The following PPP3R1 variants were observed in gnomAD, a reference collection of about 807,000 sequenced individuals.
The protein encoded by PPP3R1 is calcineurin subunit B type 1.
A neutral mutation model predicts 22.6 loss-of-function variants in PPP3R1; 5 were observed. The ratio of observed to expected loss-of-function variants is 0.22; its 90% CI spans 0.12 to 0.46. PPP3R1 has a LOEUF of 0.46. Ranked by LOEUF, PPP3R1 falls within the 20% of genes least tolerant of loss-of-function variation. PPP3R1 has a pLI of 0.99. For missense variants in PPP3R1, 61 were observed against 203.2 expected, an observed-to-expected ratio of 0.30 and a Z score of 4.25; for synonymous variants, 56 against 65.2, an observed-to-expected ratio of 0.86 and a Z score of 0.68.
chr2:68,226,202 G>A (rs1402694231), intron 1 of PPP3R1, among the ~76,000 whole-genome samples: 1 of 152,128 alleles, frequency 6.6e-6, no homozygotes, highest in Non-Finnish European at 1.5e-5. Flanking sequence ...AAGGGTACCA[G>A]GTAACATTTC....
intron 1 of PPP3R1, among the ~76,000 whole-genome samples, chr2:68,240,542 G>A (rs190099391): frequency 3.3e-5 from 5 of 152,182 alleles, no homozygotes; most frequent in Admixed American, 3.3e-4. Context: ...GTGCTACAAA[G>A]GAAACATTAA....
At chr2:68,242,298 G>A (rs532692221) in intron 1 of PPP3R1, among the ~76,000 whole-genome samples, 7 of 152,086 alleles carry the variant, frequency 4.6e-5, no homozygotes, top group South Asian at 4.1e-4. Flanking sequence ...GTGGTGGTGC[G>A]CACCCGCAAT....
intron 2 of PPP3R1, among the ~76,000 whole-genome samples, chr2:68,190,719 A>G (rs1237183313): frequency 6.6e-6 from 1 of 152,234 alleles, no homozygotes; most frequent in Non-Finnish European, 1.5e-5. Flanking sequence ...CTAAGGACAC[A>G]GATGAAGTTG....
In PPP3R1 at chr2:68,202,889, G is replaced by A. The variant is rs563170497; in HGVS notation, c.44-14199C>T. Among the ~76,000 whole-genome samples the A allele has an allele frequency of 6.0e-4, 78 of 129,052 alleles. 1 individual carries two copies. Among genetic ancestry groups the A allele is most frequent in the African/African-American group, 2.2e-3 (72 of 32,848 alleles). The allele number at this position is 129,052 out of a possible 152,430, so 84.7% of individuals were successfully genotyped here. Reference sequence around the variant, plus strand: ...ATGATCTCAGCTCACTGCAAGCTTCGCCTCCCAGGTTCACGCCATTCTCCT... The same window carrying A: ...ATGATCTCAGCTCACTGCAAGCTTCACCTCCCAGGTTCACGCCATTCTCCT... On this transcript the variant is annotated intron_variant, in intron 2 of 5. Transcript: ENST00000234310.
intron 2 of PPP3R1, among the ~76,000 whole-genome samples, chr2:68,192,490 TG>T: frequency 6.6e-6 from 1 of 152,168 alleles, no homozygotes; most frequent in Non-Finnish European, 1.5e-5. Context: ...TTTATTGAAG[TG>T]GGGACATTAA....
At chr2:68,231,269 T>G (rs1669892018) in intron 1 of PPP3R1, among the ~76,000 whole-genome samples, 1 of 152,186 alleles carries the variant, frequency 6.6e-6, no homozygotes, top group Non-Finnish European at 1.5e-5. Flanking sequence ...TTAAGCCTAC[T>G]CACTGGGCTA....
chr2:68,186,112 T>A (rs72832013), intron 5 of PPP3R1, among the ~76,000 whole-genome samples: 6,472 of 152,296 alleles, frequency 0.042, 151 homozygotes, highest in Admixed American at 0.072. Flanking sequence ...GCTTGCAGTT[T>A]AAAATCCTTG....
intron 1 of PPP3R1, among the ~76,000 whole-genome samples, chr2:68,222,603 T>G (rs1669704208): frequency 6.6e-6 from 1 of 152,228 alleles, no homozygotes; most frequent in South Asian, 2.1e-4. Context: ...TTCTCAGGCC[T>G]TCAGACTCAG....
rs1043577872 is a variant in PPP3R1, at chr2:68,188,769, T to A, written c.44-79A>T. 137 of 1,319,190 alleles carry A rather than the reference T, an allele frequency of 1.0e-4. No homozygotes were observed. In the African/African-American group the frequency reaches 1.4e-3, roughly 14 times the overall value. The allele number at this position is 1,319,190 out of a possible 1,614,324, so 81.7% of individuals were successfully genotyped here. On this transcript the variant is annotated intron_variant, in intron 2 of 5. Coordinates refer to ENST00000234310, the MANE Select transcript of PPP3R1 (RefSeq NM_000945.4). Reference sequence around the variant, plus strand: ...TTTCTAATGGGCAGTAGCAAGATTTTAAAAAAAATTTTAATAGTTATAGGG... The same window carrying A: ...TTTCTAATGGGCAGTAGCAAGATTTAAAAAAAAATTTTAATAGTTATAGGG...
chr2:68,239,223 T>A (rs1392387127), intron 1 of PPP3R1, among the ~76,000 whole-genome samples: 1 of 152,214 alleles, frequency 6.6e-6, no homozygotes, highest in African/African-American at 2.4e-5. Context: ...AGCTTGCTGC[T>A]TTCAGCTGTG....
At chr2:68,198,257 GTATA>G (rs1674850776) in intron 2 of PPP3R1, among the ~76,000 whole-genome samples, 4 of 144,282 alleles carry the variant, frequency 2.8e-5, no homozygotes, top group Non-Finnish European at 1.5e-5. Context: ...ACATACATAT[GTATA>G]CATACATATG....
At chr2:68,186,016 C>T (rs1478236633) in intron 5 of PPP3R1, among the ~76,000 whole-genome samples, 1 of 152,196 alleles carries the variant, frequency 6.6e-6, no homozygotes, top group Non-Finnish European at 1.5e-5. Flanking sequence ...TCTATGGAAG[C>T]ATCCAATCAT....
rs1364261970 is a variant in PPP3R1 at position 68,205,238 on chromosome 2, TTATC to T, written c.43+11850_43+11853del. ...ATCATTTCCTTGTAAGTAATCAGTATTATCTTTTTTTTTTTTTTTTTTTGAAACG... is the reference window on the plus strand; with the variant it reads ...ATCATTTCCTTGTAAGTAATCAGTATTTTTTTTTTTTTTTTTTTTGAAACG... On this transcript the variant is annotated intron_variant, in intron 2 of 5. Transcript: ENST00000234310. Among the ~76,000 whole-genome samples the T allele has an allele frequency of 8.6e-5, 11 of 127,400 alleles. No homozygotes were observed. The South Asian group carries it at 2.5e-3, about 29-fold the overall frequency. 83.6% of individuals were successfully genotyped at this position (127,400 alleles called of 152,430 possible).
At chr2:68,221,582 T>C (rs1036990133) in intron 1 of PPP3R1, among the ~76,000 whole-genome samples, 8 of 152,196 alleles carry the variant, frequency 5.3e-5, no homozygotes, top group Non-Finnish European at 7.3e-5. Context: ...ACGTTTTATA[T>C]GCTGTTTAAA....
chr2:68,191,080 A>C (rs1395570686), intron 2 of PPP3R1, among the ~76,000 whole-genome samples: 5 of 152,240 alleles, frequency 3.3e-5, no homozygotes, highest in African/African-American at 1.2e-4. Flanking sequence ...CACATGTATC[A>C]GAAATGCTGT....
intron 2 of PPP3R1, among the ~76,000 whole-genome samples, chr2:68,214,517 C>T (rs988026631): frequency 1.3e-5 from 2 of 152,106 alleles, no homozygotes; most frequent in Non-Finnish European, 2.9e-5. Context: ...GGCCAACAAT[C>T]ATATGAAAAA....
At chr2:68,251,747 G>A (rs1232451394) in intron 1 of PPP3R1, among the ~76,000 whole-genome samples, 1 of 152,000 alleles carries the variant, frequency 6.6e-6, no homozygotes, top group Non-Finnish European at 1.5e-5. Context: ...GAGTGTGGAG[G>A]GGAGGGGGGT....
intron 2 of PPP3R1, among the ~76,000 whole-genome samples, chr2:68,210,061 G>T (rs1157895577): frequency 6.6e-6 from 1 of 152,160 alleles, no homozygotes; most frequent in African/African-American, 2.4e-5. Flanking sequence ...TCATCTCAAG[G>T]TAAGATGTCT....
intron 2 of PPP3R1, among the ~76,000 whole-genome samples, chr2:68,208,448 A>G (rs1229699765): frequency 6.6e-6 from 1 of 152,190 alleles, no homozygotes; most frequent in East Asian, 1.9e-4. Flanking sequence ...AAAAATGGGC[A>G]TGGCTATGTT....
Sources: allele counts gnomAD v4.1 joint callset (sites outside exome capture counted in the v4.1 genomes callset), GRCh38; gene constraint gnomAD v4.1.1; transcripts MANE v1.5; gene names NCBI Gene and HGNC (gene_info 2026-07-23, HGNC 2026-07-21).